The following RGS7 variants were observed in gnomAD, a reference collection of about 807,000 sequenced individuals.
The protein encoded by RGS7 is regulator of G protein signaling 7.
A neutral mutation model predicts 81.1 loss-of-function variants in RGS7; 27 were observed. The observed-to-expected ratio is 0.33, with a 90% CI of 0.25 to 0.46. The LOEUF is 0.46. Among genes scored for constraint, RGS7 ranks in the 20% least tolerant of loss-of-function variants. RGS7 has a pLI of 1.00. For synonymous variants in RGS7, 208 were observed against 207.7 expected (o/e 1.00, Z -0.01); for missense variants, 396 against 607.4 (o/e 0.65, Z 3.66).
intron 2 of RGS7, among the ~76,000 whole-genome samples, chr1:241,308,832 T>C (rs910682215): frequency 2.6e-5 from 4 of 152,164 alleles, no homozygotes; most frequent in African/African-American, 9.7e-5. Flanking sequence ...AGCCAGCTAA[T>C]GCACAGTTTT....
chr1:241,142,186 T>G (rs2067969890), intron 2 of RGS7, among the ~76,000 whole-genome samples: 1 of 152,210 alleles, frequency 6.6e-6, no homozygotes, highest in Non-Finnish European at 1.5e-5. Flanking sequence ...GCTGCTTTCG[T>G]GGGCTGGCAC....
chr1:241,274,105 G>A (rs2148361884), intron 2 of RGS7, among the ~76,000 whole-genome samples: 1 of 152,312 alleles, frequency 6.6e-6, no homozygotes, highest in African/African-American at 2.4e-5. Context: ...AGCTCTGATG[G>A]GTTTGAGATG....
intron 6 of RGS7, among the ~76,000 whole-genome samples, chr1:240,878,489 C>CTTTTTTTT (rs57896753): frequency 7.7e-5 from 9 of 117,570 alleles, no homozygotes; most frequent in Non-Finnish European, 1.4e-4. Context: ...TTTTTTCTTT[C>CTTTTTTTT]TTTTTTTTTT....
chr1:241,047,888 C>T (rs2061026151), intron 3 of RGS7, among the ~76,000 whole-genome samples: 1 of 151,876 alleles, frequency 6.6e-6, no homozygotes, highest in Non-Finnish European at 1.5e-5. Flanking sequence ...TACAAGCGTG[C>T]ACCACCACGC....
At chr1:241,202,707 A>C (rs2073611419) in intron 2 of RGS7, among the ~76,000 whole-genome samples, 1 of 152,206 alleles carries the variant, frequency 6.6e-6, no homozygotes, top group Non-Finnish European at 1.5e-5. Context: ...TATGACCTAC[A>C]GTCAAACAAG....
chr1:240,864,116 T>C (rs994910079), intron 9 of RGS7, among the ~76,000 whole-genome samples: 2 of 152,218 alleles, frequency 1.3e-5, no homozygotes, highest in African/African-American at 2.4e-5. Context: ...GCTGTGTTAA[T>C]GACTATGTTC....
chr1:240,872,127 T>C (rs145802774), intron 6 of RGS7, among the ~76,000 whole-genome samples: 1 of 152,080 alleles, frequency 6.6e-6, no homozygotes, highest in Admixed American at 6.6e-5. Flanking sequence ...GGGAAAAAAA[T>C]GAAGGTGCGG....
chr1:240,994,328 T>C (rs1686954256), intron 3 of RGS7, among the ~76,000 whole-genome samples: 1 of 152,196 alleles, frequency 6.6e-6, no homozygotes, highest in African/African-American at 2.4e-5. Context: ...TCTCCATTTA[T>C]TTACATCTTC....
intron 2 of RGS7, among the ~76,000 whole-genome samples, chr1:241,350,627 A>T (rs2083176257): frequency 6.6e-6 from 1 of 151,956 alleles, no homozygotes; most frequent in African/African-American, 2.4e-5. Flanking sequence ...TTAAAGATCA[A>T]CTGGGCACGG....
chr1:241,007,607 G>A (rs370897714), intron 3 of RGS7, among the ~76,000 whole-genome samples: 135 of 152,266 alleles, frequency 8.9e-4, no homozygotes, highest in African/African-American at 3.1e-3. Context: ...GAAAGAATTT[G>A]ACTAGAAAGT....
chr1:240,862,215 T>A (rs1558371470), intron 9 of RGS7, among the ~76,000 whole-genome samples: 2 of 152,312 alleles, frequency 1.3e-5, no homozygotes, highest in Middle Eastern at 3.4e-3. Context: ...AGATATTAAG[T>A]ACTAGAATGA....
chr1:240,931,775 G>A (rs1323572820), intron 5 of RGS7, among the ~76,000 whole-genome samples: 1 of 152,076 alleles, frequency 6.6e-6, no homozygotes, highest in Non-Finnish European at 1.5e-5. Context: ...GAAACTGACT[G>A]ACTAAACTAC....
At chr1:240,921,664 T>A (rs187331877) in intron 6 of RGS7, among the ~76,000 whole-genome samples, 1 of 152,208 alleles carries the variant, frequency 6.6e-6, no homozygotes, top group East Asian at 1.9e-4. Context: ...ATACTATTTA[T>A]GTAAGCAGCA....
chr1:241,192,961 A>G (rs1242345146), intron 2 of RGS7, among the ~76,000 whole-genome samples: 1 of 152,234 alleles, frequency 6.6e-6, no homozygotes, highest in Non-Finnish European at 1.5e-5. Flanking sequence ...GGAGAAAATT[A>G]AGGTACAAAG....
intron 2 of RGS7, among the ~76,000 whole-genome samples, chr1:241,220,981 G>T (rs1414838019): frequency 1.8e-5 from 1 of 55,410 alleles, no homozygotes; most frequent in Non-Finnish European, 3.5e-5. Flanking sequence ...AAGGAAGGAA[G>T]GAAGGAAGGA....
chr1:241,269,599 G>A (rs1023694453), intron 2 of RGS7, among the ~76,000 whole-genome samples: 1 of 152,166 alleles, frequency 6.6e-6, no homozygotes, highest in Non-Finnish European at 1.5e-5. Flanking sequence ...GCAGGGAAAA[G>A]GGATGAGAAA....
chr1:241,235,909 T>TGAGAGAGAAAGAGA (rs11274117), intron 2 of RGS7, among the ~76,000 whole-genome samples: 5,562 of 137,904 alleles, frequency 0.04, 384 homozygotes, highest in African/African-American at 0.13. Flanking sequence ...AGATGCACTT[T>TGAGAGAGAAAGAGA]GAGAGAGAGA....
At chr1:241,312,656 T>G (rs1274951700) in intron 2 of RGS7, among the ~76,000 whole-genome samples, 4 of 152,200 alleles carry the variant, frequency 2.6e-5, no homozygotes, top group African/African-American at 7.2e-5. Context: ...GCCGTTGCCC[T>G]GTGTCTCTCC....
In RGS7 at chr1:241,108,361, T is replaced by C. The variant is rs543043042; in HGVS notation, c.79-9599A>G. Among the ~76,000 whole-genome samples the C allele has an allele frequency of 8.0e-5, 12 of 149,730 alleles. No homozygotes were observed. The South Asian group carries it at 1.5e-3, about 18-fold the overall frequency. ...ACAAAAATTGATGCAGAAAAGAACG[T>C]TGGACAGACAAGTCAAACAACTGAA... On this transcript the variant is annotated intron_variant, in intron 2 of 18. Coordinates refer to ENST00000440928, the MANE Select transcript of RGS7 (RefSeq NM_001364886.1).
Sources: gnomAD v4.1 joint callset for allele counts (sites outside exome capture counted in the v4.1 genomes callset) on GRCh38, gnomAD v4.1.1 for gene constraint, MANE v1.5 for transcripts, NCBI Gene and HGNC (gene_info 2026-07-23, HGNC 2026-07-21) for gene names.